The following TSPEAR variants were observed in gnomAD, a reference collection of about 807,000 sequenced individuals.
TSPEAR encodes thrombospondin type laminin G domain and EAR repeats, also known as thrombospondin-type laminin G domain and EAR repeat-containing protein.
A neutral mutation model predicts 71.6 loss-of-function variants in TSPEAR; 69 were observed. The observed-to-expected ratio is 0.96, with a 90% CI of 0.79 to 1.18. The LOEUF is 1.18. Ranked by LOEUF, TSPEAR falls within the 50% of genes most tolerant of loss-of-function variation. The probability of loss-of-function intolerance (pLI) is 0.00; values close to 1 mark genes in which losing one functional copy is unlikely to be tolerated. For synonymous variants in TSPEAR, 402 were observed against 387.2 expected, an observed-to-expected ratio of 1.04 and a Z score of -0.45; for missense variants, 971 against 894.9, an observed-to-expected ratio of 1.09 and a Z score of -1.09.
At chr21:44,564,209 G>A (rs1463962322) in intron 2 of TSPEAR, among the ~76,000 whole-genome samples, 1 of 152,130 alleles carries the variant, frequency 6.6e-6, no homozygotes, top group Non-Finnish European at 1.5e-5. Flanking sequence ...ACCAGTATTT[G>A]AGATTACAAA....
Position 44,711,348 on chromosome 21 carries a change from G to T in TSPEAR, c.82+85C>A. The T allele has an allele frequency of 7.7e-7, 1 of 1,296,898 alleles. No homozygotes were observed. The highest frequency in any genetic ancestry group is 1.1e-6 in the Non-Finnish European group (1 of 927,746). The allele number at this position is 1,296,898 out of a possible 1,614,324, so 80.3% of individuals were successfully genotyped here. A position where few individuals can be genotyped will look rare whatever the true frequency, so the allele number is the denominator to read the frequency against. On this transcript the variant is annotated intron_variant, in intron 1 of 11. Transcript: ENST00000323084. The surrounding 1 kb of genome is among the most constrained non-coding windows in gnomAD (Gnocchi z 4.5). The stretch of plus-strand genomic sequence containing the variant: ...CTCGGGCACCGCGGCTTGAATCAGT[G>T]TTAGAAAGTGGCATTTGTGACTCGA...
At chr21:44,647,289 C>T (rs374050668) in intron 1 of TSPEAR, 5 of 1,611,974 alleles carry the variant, frequency 3.1e-6, no homozygotes, top group Non-Finnish European at 4.2e-6. Context: ...TGTCCCTCCT[C>T]TGCCGCCCCG....
At chr21:44,558,144 G>A (rs374354141) in intron 2 of TSPEAR, 15 of 1,613,160 alleles carry the variant, frequency 9.3e-6, no homozygotes, top group Admixed American at 5.0e-5. Flanking sequence ...GCAGGAGGCC[G>A]GGCGGCAGCA....
rs1555916065 is a variant in TSPEAR at position 44,533,905 on chromosome 21, T to C, written c.322A>G (p.Thr108Ala). 6.2e-7 allele frequency: 1 copy of C among 1,610,862 alleles called. No homozygotes were observed. Among genetic ancestry groups the C allele is most frequent in the African/African-American group, 1.3e-5 (1 of 74,470 alleles). The change falls in exon 3 of 12, where the codon ACG becomes GCG. Residue 108 changes from threonine to alanine, a missense_variant. Transcript: ENST00000323084. ...AGGTCGCTCTCCTCTGCCACCACCG[T>C]CAGCAGGTACTCGTTCCTCTGTGGA... ...LPPKRNEYLL[T>A]VVAEESDLLL...
chr21:44,682,099 C>A, intron 1 of TSPEAR: 2 of 1,613,812 alleles, frequency 1.2e-6, no homozygotes, highest in Non-Finnish European at 1.7e-6. Flanking sequence ...GGCTGGCAGC[C>A]CGAGGAGCAG....
Position 44,710,676 on chromosome 21 carries a change from G to C in TSPEAR, c.82+757C>G, listed in dbSNP as rs1239946572. ...GCTGGAGTCACTAATTTACTGTCCA[G>C]TAACTGAGTTTCTAGCGACCAGGTC... On this transcript the variant is annotated intron_variant, in intron 1 of 11. Transcript: ENST00000323084. The surrounding 1 kb of genome is among the most constrained non-coding windows in gnomAD (Gnocchi z 4.6). Among the ~76,000 whole-genome samples the C allele has an allele frequency of 6.6e-6, 1 of 152,220 alleles. No individual in the cohort carries two copies. The highest frequency in any genetic ancestry group is 6.5e-5 in the Admixed American group (1 of 15,290).
At chr21:44,527,772 A>T (rs1242109303) in intron 6 of TSPEAR, among the ~76,000 whole-genome samples, 5 of 152,240 alleles carry the variant, frequency 3.3e-5, no homozygotes, top group African/African-American at 1.2e-4. Flanking sequence ...CCTTGTTAAA[A>T]GGCTCACTGC....
Position 44,499,453 on chromosome 21 carries a change from A to G in TSPEAR, c.*330T>C. 3.5e-6 allele frequency: 1 copy of G among 288,424 alleles called. No individual in the cohort carries two copies. Among genetic ancestry groups the G allele is most frequent in the Non-Finnish European group, 6.5e-6 (1 of 152,942 alleles). The allele number at this position is 288,424 out of a possible 1,614,324, so 17.9% of individuals were successfully genotyped here. ...AGGCCAGCCGCAGGGACATGAACCG[A>G]GGTCCTGTTGTTTGAGGTAAAAATG... On this transcript the variant is annotated 3_prime_UTR_variant, in exon 12 of 12. Coordinates refer to ENST00000323084, the MANE Select transcript of TSPEAR (RefSeq NM_144991.3).
At chr21:44,617,382 C>G (rs1173379049) in intron 1 of TSPEAR, among the ~76,000 whole-genome samples, 1 of 152,268 alleles carries the variant, frequency 6.6e-6, no homozygotes, top group Non-Finnish European at 1.5e-5. Flanking sequence ...AGAGAACAGA[C>G]ACACGGCCTC....
intron 11 of TSPEAR, among the ~76,000 whole-genome samples, chr21:44,500,631 CT>C (rs1297632313): frequency 2.6e-5 from 4 of 152,252 alleles, no homozygotes; most frequent in Non-Finnish European, 4.4e-5. Flanking sequence ...TGGGGTCCCC[CT>C]GGGATCCCCC....
chr21:44,518,593 G>A (rs1555913817), intron 9 of TSPEAR: 1 of 464,748 alleles, frequency 2.2e-6, no homozygotes, highest in East Asian at 7.0e-5. Context: ...TTGCCTAGTT[G>A]ACGAGAAAGT....
rs191944076 is a variant in TSPEAR, at chr21:44,632,233, T to C, written c.83-64228A>G. 5.3e-5 allele frequency among the ~76,000 whole-genome samples: 8 copies of C among 152,182 alleles called. No individual in the cohort carries two copies. The East Asian group carries it at 1.3e-3, about 26-fold the overall frequency. On this transcript the variant is annotated intron_variant, in intron 1 of 11. Transcript: ENST00000323084. ...CACACAGAAACACAAAATTAAATTA[T>C]TGAAAGCCAAAGACAAAACAAGAAT...
In TSPEAR at chr21:44,601,389, C is replaced by T. The variant is rs371053915; in HGVS notation, c.83-33384G>A. On this transcript the variant is annotated intron_variant, in intron 1 of 11. Coordinates refer to ENST00000323084, the MANE Select transcript of TSPEAR (RefSeq NM_144991.3). ...GTTCATGCTGCCAGCCAGCTTGCTG[C>T]ACCTCCTCCCAAAGCCAGCAGGGCT... The T allele has an allele frequency of 3.1e-6, 5 of 1,612,470 alleles. No homozygotes were observed. The South Asian group carries it at 3.3e-5, about 11-fold the overall frequency.
At chr21:44,548,296 G>C (rs1216886711) in intron 2 of TSPEAR, among the ~76,000 whole-genome samples, 1 of 152,338 alleles carries the variant, frequency 6.6e-6, no homozygotes, top group East Asian at 1.9e-4. Flanking sequence ...GCTGGGGAGT[G>C]GGGGATGGGG....
chr21:44,570,239 C>G (rs2053773406), intron 1 of TSPEAR, among the ~76,000 whole-genome samples: 1 of 152,208 alleles, frequency 6.6e-6, no homozygotes, highest in African/African-American at 2.4e-5. Context: ...GAAACAGAAT[C>G]CTGACCATCC....
chr21:44,664,363 T>C (rs1192732341), intron 1 of TSPEAR, among the ~76,000 whole-genome samples: 3 of 152,192 alleles, frequency 2.0e-5, no homozygotes, highest in African/African-American at 4.8e-5. Context: ...TACTTAGGGA[T>C]AAATTCTGGG....
At chr21:44,545,992 T>G (rs1047017381) in intron 2 of TSPEAR, among the ~76,000 whole-genome samples, 1 of 152,186 alleles carries the variant, frequency 6.6e-6, no homozygotes, top group African/African-American at 2.4e-5. Context: ...GCAACAGATT[T>G]GACAAATCTT....
At chr21:44,694,991 G>C (rs1987271237) in intron 1 of TSPEAR, among the ~76,000 whole-genome samples, 1 of 152,176 alleles carries the variant, frequency 6.6e-6, no homozygotes, top group African/African-American at 2.4e-5. Flanking sequence ...CCCCAAGGGG[G>C]GTCGTGCTTT....
chr21:44,499,891 G>A lies in TSPEAR; in HGVS notation c.1902C>T (p.Thr634=), dbSNP rs371661912. The A allele has an allele frequency of 3.1e-6, 5 of 1,607,520 alleles. No homozygotes were observed. Among genetic ancestry groups the A allele is most frequent in the African/African-American group, 1.3e-5 (1 of 74,564 alleles). Residue 634 remains threonine, a synonymous_variant, in exon 12 of 12, where the codon ACC becomes ACT. Coordinates refer to ENST00000323084, the MANE Select transcript of TSPEAR (RefSeq NM_144991.3). ...EGFVAVHSLP[T]VGCRDWEAFS... ...AGGCCTCCCAGTCCCTGCAGCCGAC[G>A]GTGGGGAGGCTGTGCACCGCCACGA...
Sources: gnomAD v4.1 joint callset for allele counts (sites outside exome capture counted in the v4.1 genomes callset) on GRCh38, gnomAD v4.1.1 for gene constraint, Gnocchi (gnomAD v3.1) non-coding constraint, MANE v1.5 for transcripts, NCBI Gene and HGNC (gene_info 2026-07-23, HGNC 2026-07-21) for gene names.